The following BRSK2 variants were observed in gnomAD, a reference collection of about 807,000 sequenced individuals.
BRSK2 encodes the protein serine/threonine-protein kinase BRSK2.
In BRSK2, 19 loss-of-function variants were observed where a neutral mutation model predicts 83.3. The observed-to-expected ratio is 0.23, with a 90% CI of 0.16 to 0.33. The LOEUF is 0.33. Among genes scored for constraint, BRSK2 ranks in the 10% least tolerant of loss-of-function variants. The pLI is 1.00. For synonymous variants in BRSK2, 519 were observed against 435.4 expected (o/e 1.19, Z -2.39); for missense variants, 798 against 1,042.3 (o/e 0.77, Z 3.23).
chr11:1,421,082 G>A (rs1049668126), intron 1 of BRSK2, among the ~76,000 whole-genome samples: 2 of 152,154 alleles, frequency 1.3e-5, no homozygotes, highest in South Asian at 4.1e-4. Flanking sequence ...CAGATCTTTG[G>A]GCTGCCTGTG....
Position 1,461,562 on chromosome 11 carries a change from A to G in BRSK2, c.*839A>G, listed in dbSNP as rs545187701. The G allele has an allele frequency of 6.8e-4, 112 of 164,138 alleles. No homozygotes were observed. The highest frequency in any genetic ancestry group is 1.1e-3 in the Non-Finnish European group (83 of 77,088). 10.2% of individuals were successfully genotyped at this position (164,138 alleles called of 1,614,324 possible). On this transcript the variant is annotated 3_prime_UTR_variant, in exon 20 of 20. Transcript: ENST00000528841. ...TGTTATTTATTTGCCGTTTTAATTTATGGATTCTCCGCACCTCTGTTCAGG... is the reference window on the plus strand; with the variant it reads ...TGTTATTTATTTGCCGTTTTAATTTGTGGATTCTCCGCACCTCTGTTCAGG...
rs1290715861 is a variant in BRSK2 at position 1,443,560 on chromosome 11, G to A, written c.705G>A (p.Met235Ile). ...LEKVKRGVFH[M>I]PHFIPPDCQS... is the part of the protein sequence containing the mutation. ...AGGTGAAGCGGGGCGTGTTCCACATGCCGCACTTTATCCCGCCCGACTGCC... is the reference window on the plus strand; with the variant it reads ...AGGTGAAGCGGGGCGTGTTCCACATACCGCACTTTATCCCGCCCGACTGCC... Residue 235 changes from methionine (M) to isoleucine (I), a missense_variant, in exon 8 of 20, where the codon ATG becomes ATA. By Grantham distance (10) the Met-to-Ile change is conservative. Around this residue, in one of 6 missense-constraint regions of BRSK2, gnomAD observed 145 missense variants for 225.4 expected, o/e 0.64. Transcript: ENST00000528841. The A allele has an allele frequency of 6.2e-7, 1 of 1,610,736 alleles. No homozygotes were observed. The highest frequency in any genetic ancestry group is 8.5e-7 in the Non-Finnish European group (1 of 1,178,944).
intron 1 of BRSK2, among the ~76,000 whole-genome samples, chr11:1,412,615 G>A (rs975289087): frequency 1.7e-4 from 26 of 152,338 alleles, no homozygotes; most frequent in Admixed American, 7.8e-4. Context: ...AGACAGGGTC[G>A]GGTTGCGGGG....
At chr11:1,412,624 G>A (rs986452201) in intron 1 of BRSK2, among the ~76,000 whole-genome samples, 38 of 152,220 alleles carry the variant, frequency 2.5e-4, no homozygotes, top group African/African-American at 9.2e-4. Flanking sequence ...CGGGTTGCGG[G>A]GAGGGCGTCC....
In BRSK2 at chr11:1,449,676, C is replaced by G. The variant is rs1348737900; in HGVS notation, c.1227-100C>G. ...GGCCTCGAGGCTCTTGGCCCGGGCT[C>G]CAGGCCTCCTGGAGGGTTTACCTGG... On this transcript the variant is annotated intron_variant, in intron 12 of 19. Transcript: ENST00000528841. 4.9e-6 allele frequency: 5 copies of G among 1,026,990 alleles called. No homozygotes were observed. In the East Asian group the frequency reaches 7.9e-5, roughly 16 times the overall value. 63.6% of individuals were successfully genotyped at this position (1,026,990 alleles called of 1,614,324 possible). A position where few individuals can be genotyped will look rare whatever the true frequency, so the allele number is the denominator to read the frequency against.
At chr11:1,444,669 C>A (rs1851774873) in intron 8 of BRSK2, among the ~76,000 whole-genome samples, 1 of 151,854 alleles carries the variant, frequency 6.6e-6, no homozygotes, top group East Asian at 2.0e-4. Flanking sequence ...TCTCCCTCCG[C>A]TCCCCAGGCC....
At chr11:1,443,664 A>C in intron 8 of BRSK2, 29 bp downstream of exon 8, 5 of 1,476,588 alleles carry the variant, frequency 3.4e-6, no homozygotes, top group Non-Finnish European at 4.5e-6. Context: ...GGGCGGCCCC[A>C]GAGCGTGGCG....
chr11:1,414,637 T>C (rs961347039), intron 1 of BRSK2, among the ~76,000 whole-genome samples: 1 of 152,326 alleles, frequency 6.6e-6, no homozygotes, highest in Non-Finnish European at 1.5e-5. Flanking sequence ...AATATAAAAT[T>C]AACCATACAA....
chr11:1,399,908 T>TGGG (rs3081408), intron 1 of BRSK2, among the ~76,000 whole-genome samples: 126,602 of 151,988 alleles, frequency 0.83, 53,643 homozygotes, highest in African/African-American at 0.96. Flanking sequence ...TGTTTTCACA[T>TGGG]AGCAGAGGAG....
Position 1,445,705 on chromosome 11 carries a change from C to G in BRSK2, c.1075+37C>G, listed in dbSNP as rs368139412. ...GGGGTGGCCTCCAGCCCGGCCTGCA[C>G]TGCCCCACCGGGGTCCGGGGGCTGT... is the stretch of plus-strand genomic sequence containing the variant. On this transcript the variant is annotated intron_variant, in intron 11 of 19. Coordinates refer to ENST00000528841, the MANE Select transcript of BRSK2 (RefSeq NM_001256627.2). 3.4e-4 allele frequency: 545 copies of G among 1,611,582 alleles called. 2 individuals are homozygous for G. The highest frequency in any genetic ancestry group is 2.5e-3 in the African/African-American group (185 of 75,036).
Position 1,450,855 on chromosome 11 carries a change from A to C in BRSK2, c.1495+61A>C, listed in dbSNP as rs1054301270. 8.1e-6 allele frequency: 12 copies of C among 1,473,450 alleles called. No homozygotes were observed. The African/African-American group carries it at 1.6e-4, about 19-fold the overall frequency. The allele number at this position is 1,473,450 out of a possible 1,614,324, so 91.3% of individuals were successfully genotyped here. ...GGAGAGAGCAGAGGCTGCCTTGGGG[A>C]GGGCCCCGCCCGGCAGTGCCAGACC... On this transcript the variant is annotated intron_variant, in intron 14 of 19. Transcript: ENST00000528841.
rs1374757751 is a variant in BRSK2, at chr11:1,423,805, G to A, written c.92-12235G>A. ...GTTCCGGGTGCCCCAGGCCTCCCCC[G>A]CTGGGCGTTCCGGGTGCCCCAGGCC... On this transcript the variant is annotated intron_variant, in intron 1 of 19. Coordinates refer to ENST00000528841, the MANE Select transcript of BRSK2 (RefSeq NM_001256627.2). The surrounding 1 kb of genome is among the most constrained non-coding windows in gnomAD (Gnocchi z 6.5). Among the ~76,000 whole-genome samples, 3 of 150,932 alleles carry A rather than the reference G, an allele frequency of 2.0e-5. No homozygotes were observed. Among genetic ancestry groups the A allele is most frequent in the Non-Finnish European group, 3.0e-5 (2 of 67,746 alleles).
At chr11:1,458,261 TGGTACC>T (rs1846898231) in intron 18 of BRSK2, among the ~76,000 whole-genome samples, 1 of 152,018 alleles carries the variant, frequency 6.6e-6, no homozygotes, top group South Asian at 2.1e-4. Context: ...CCTTAAAGTG[TGGTACC>T]GCCTGTCAGC....
rs184773864 is a variant in BRSK2, at chr11:1,400,437, C to T, written c.91+10062C>T. On this transcript the variant is annotated intron_variant, in intron 1 of 19. Transcript: ENST00000528841. ...ATAACCCCTGACCCTGGGCGGTGGC[C>T]TCCTCTTCCATAACCCCTGACCCTG... Among the ~76,000 whole-genome samples the T allele has an allele frequency of 2.0e-5, 3 of 152,348 alleles. No individual in the cohort carries two copies. In the East Asian group the frequency reaches 5.8e-4, roughly 29 times the overall value.
Position 1,422,113 on chromosome 11 carries a change from G to A in BRSK2, c.92-13927G>A, listed in dbSNP as rs559872550. ...GCGGGGTCAGAGCCAACTGTGTGTCGGGTGAGAGCCCAGCCCAGCCCAGCC... is the reference window on the plus strand; with the variant it reads ...GCGGGGTCAGAGCCAACTGTGTGTCAGGTGAGAGCCCAGCCCAGCCCAGCC... On this transcript the variant is annotated intron_variant, in intron 1 of 19. Coordinates refer to ENST00000528841, the MANE Select transcript of BRSK2 (RefSeq NM_001256627.2). Among the ~76,000 whole-genome samples the A allele has an allele frequency of 5.9e-5, 9 of 152,264 alleles. No individual in the cohort carries two copies. In the East Asian group the frequency reaches 7.7e-4, roughly 13 times the overall value.
chr11:1,443,739 C>T, intron 8 of BRSK2, 104 bp downstream of exon 8: 2 of 1,365,504 alleles, frequency 1.5e-6, no homozygotes, highest in South Asian at 1.5e-5. Flanking sequence ...TGTGGGCACC[C>T]AGGTGTGTGG....
rs770103891 is a variant in BRSK2 at position 1,443,364 on chromosome 11, C to T, written c.594C>T (p.Asp198=). Residue 198 remains aspartate (D), a synonymous_variant, in exon 7 of 20, where the codon GAC becomes GAT. Transcript: ENST00000528841. The part of the protein sequence containing the change: ...RGEKYDGRKA[D]VWSCGVILFA... ...AGAAGTATGACGGCCGGAAGGCGGA[C>T]GTGTGGAGCTGCGGCGTCATCCTGT... 14 of 1,608,686 alleles carry T rather than the reference C, an allele frequency of 8.7e-6. No homozygotes were observed. Among genetic ancestry groups the T allele is most frequent in the South Asian group, 1.1e-5 (1 of 90,352 alleles).
intron 1 of BRSK2, among the ~76,000 whole-genome samples, chr11:1,435,036 G>C (rs1175454578): frequency 3.3e-5 from 5 of 151,606 alleles, no homozygotes; most frequent in Admixed American, 6.6e-5. Flanking sequence ...CGTGTGCCCA[G>C]CCAAGGCACA....
intron 1 of BRSK2, among the ~76,000 whole-genome samples, chr11:1,407,685 T>C (rs142796566): frequency 3.2e-4 from 49 of 152,336 alleles, no homozygotes; most frequent in African/African-American, 1.1e-3. Flanking sequence ...GTTACAGGAT[T>C]CAATCAAAAT....
Sources: allele counts gnomAD v4.1 joint callset (sites outside exome capture counted in the v4.1 genomes callset), GRCh38; gene constraint gnomAD v4.1.1; regional missense constraint gnomAD v4.1.1; non-coding constraint Gnocchi (gnomAD v3.1); transcripts MANE v1.5; gene names NCBI Gene and HGNC (gene_info 2026-07-23, HGNC 2026-07-21).